The following DOCK9 variants were observed in gnomAD, a reference collection of about 807,000 sequenced individuals.
DOCK9 encodes the protein dedicator of cytokinesis protein 9.
In DOCK9, 89 loss-of-function variants were observed where a neutral mutation model predicts 263.3. The ratio of observed to expected loss-of-function variants is 0.34; its 90% CI spans 0.28 to 0.40. The LOEUF (loss-of-function observed/expected upper bound fraction) is 0.40. Among genes scored for constraint, DOCK9 ranks in the 10% least tolerant of loss-of-function variants. The probability of loss-of-function intolerance (pLI) is 1.00; values close to 1 mark genes in which losing one functional copy is unlikely to be tolerated. For synonymous variants in DOCK9, 976 were observed against 973.1 expected (o/e 1.00, Z -0.06); for missense variants, 2,140 against 2,603.4 (o/e 0.82, Z 3.87).
chr13:98,945,052 G>A (rs1396667483), intron 2 of DOCK9, among the ~76,000 whole-genome samples: 1 of 152,158 alleles, frequency 6.6e-6, no homozygotes, highest in Non-Finnish European at 1.5e-5. Context: ...AATCAGTCAA[G>A]GAAACAATGA....
At chr13:98,945,354 T>C (rs1411374185) in intron 2 of DOCK9, among the ~76,000 whole-genome samples, 1 of 152,232 alleles carries the variant, frequency 6.6e-6, no homozygotes, top group Non-Finnish European at 1.5e-5. Context: ...CTAAAGTCAC[T>C]CCACCATGGT....
rs1423176071 is a variant in DOCK9, at chr13:98,805,527, C to T, written c.5515-318G>A. Among the ~76,000 whole-genome samples the T allele has an allele frequency of 2.6e-5, 4 of 152,096 alleles. No homozygotes were observed. The East Asian group carries it at 7.7e-4, about 29-fold the overall frequency. On this transcript the variant is annotated intron_variant, in intron 48 of 52. Transcript: ENST00000682017. Reference sequence around the variant, plus strand: ...CTTCTCCTAAAAATAAGGACATTTGCTTCTATAACCGCAATACATTATCAT... The same window carrying T: ...CTTCTCCTAAAAATAAGGACATTTGTTTCTATAACCGCAATACATTATCAT...
chr13:98,867,464 G>A lies in DOCK9; in HGVS notation c.3247C>T (p.Pro1083Ser), dbSNP rs1594804315. 6.2e-7 allele frequency: 1 copy of A among 1,611,706 alleles called. No individual in the cohort carries two copies. Among genetic ancestry groups the A allele is most frequent in the East Asian group, 2.2e-5 (1 of 44,814 alleles). Reference sequence around the variant, plus strand: ...ATCCTGCCTTTTCCAAATGGCATTGGTAAGTTCAACGGAATATAATGTTCA... The same window carrying A: ...ATCCTGCCTTTTCCAAATGGCATTGATAAGTTCAACGGAATATAATGTTCA... Reference protein sequence around the residue: ...NHEHYIPLNLPMPFGKGRIQR... With the variant: ...NHEHYIPLNLSMPFGKGRIQR... Residue 1083 changes from proline to serine, a missense_variant, in exon 30 of 53, where the codon CCA (proline) becomes TCA (serine). Around this residue, in one of 2 missense-constraint regions of DOCK9, gnomAD observed 1,521 missense variants for 1,741.7 expected, o/e 0.87. Coordinates refer to ENST00000682017, the MANE Select transcript of DOCK9 (RefSeq NM_001366683.2).
rs2140825612 is a variant in DOCK9 at position 98,826,842 on chromosome 13, G to A, written c.5011C>T (p.Leu1671Phe). Reference protein sequence around the residue: ...VHVTALVAEYLTRKGVFRQGC... With the variant: ...VHVTALVAEYFTRKGVFRQGC... ...AATAATTCCTTACCTTTCCGTGTGA[G>A]ATATTCTGCCACTAGGGCTGTTACG... Residue 1671 changes from leucine (L) to phenylalanine (F), a missense_variant, in exon 44 of 53, where the codon CTC (leucine) becomes TTC (phenylalanine). Leu to Phe is a conservative substitution (Grantham distance 22). Coordinates refer to ENST00000682017, the MANE Select transcript of DOCK9 (RefSeq NM_001366683.2). 6.2e-7 allele frequency: 1 copy of A among 1,609,802 alleles called. No homozygotes were observed. The highest frequency in any genetic ancestry group is 8.5e-7 in the Non-Finnish European group (1 of 1,177,912).
chr13:99,086,720 G>A (rs2042355410), upstream of DOCK9: 1 of 146,870 alleles, frequency 6.8e-6, no homozygotes, highest in African/African-American at 2.4e-5. Flanking sequence ...GGCGGGGCGG[G>A]GCGCCCGGAC....
At chr13:99,052,436 G>A (rs2040738639) in intron 1 of DOCK9, among the ~76,000 whole-genome samples, 1 of 152,194 alleles carries the variant, frequency 6.6e-6, no homozygotes, top group South Asian at 2.1e-4. Context: ...TCAAAGTACA[G>A]ACCACACTCC....
intron 1 of DOCK9, among the ~76,000 whole-genome samples, chr13:98,965,466 G>C (rs1177314843): frequency 6.6e-6 from 1 of 152,116 alleles, no homozygotes; most frequent in East Asian, 1.9e-4. Flanking sequence ...AGCACTACAA[G>C]CTTGTGCAAA....
intron 7 of DOCK9, 147 bp from the exon 8 acceptor site, chr13:98,915,650 C>A (rs990921950): frequency 1.6e-5 from 11 of 671,726 alleles, no homozygotes; most frequent in Non-Finnish European, 2.6e-5. Context: ...ATGAAAGCCC[C>A]CCCCCATGAA....
At position 98,883,859 on chromosome 13, in the gene DOCK9, G is replaced by A. The variant is rs759785650; in HGVS notation, c.2423C>T (p.Pro808Leu). The change falls in exon 22 of 53, where the codon CCA becomes CTA. Residue 808 changes from proline (P) to leucine (L), a missense_variant. By Grantham distance (98) the Pro-to-Leu change is moderately conservative (BLOSUM62 -3). Coordinates refer to ENST00000682017, the MANE Select transcript of DOCK9 (RefSeq NM_001366683.2). ...PEIKWVDGGK[P>L]LLKISTHLVS... ...CAGATGAGTGGAAATTTTCAGCAGT[G>A]GCTTGCCTCCATCTACCCATTTAAT... 4 of 1,612,414 alleles carry A rather than the reference G, an allele frequency of 2.5e-6. No individual in the cohort carries two copies. The highest frequency in any genetic ancestry group is 3.4e-6 in the Non-Finnish European group (4 of 1,179,408).
At chr13:99,078,474 G>A (rs1428266739) in intron 1 of DOCK9, among the ~76,000 whole-genome samples, 1 of 152,174 alleles carries the variant, frequency 6.6e-6, no homozygotes, top group Non-Finnish European at 1.5e-5. Flanking sequence ...GCCCTGAGAG[G>A]CCGCCCCACA....
chr13:98,887,615 CAAAAAAAAAAA>C (rs58976892), intron 18 of DOCK9, among the ~76,000 whole-genome samples: 4 of 37,218 alleles, frequency 1.1e-4, no homozygotes, highest in Non-Finnish European at 1.7e-4. Context: ...GACTCCATCT[CAAAAAAAAAAA>C]AAAAAAAAAA....
At chr13:99,068,504 C>T (rs2041527455) in intron 1 of DOCK9, among the ~76,000 whole-genome samples, 1 of 152,182 alleles carries the variant, frequency 6.6e-6, no homozygotes, top group African/African-American at 2.4e-5. Flanking sequence ...ATCACTTGAA[C>T]CCAGGAGGCG....
chr13:98,856,038 G>T lies in DOCK9; in HGVS notation c.3698-7C>A. ...GAGGTTGTATATGGAGAAGCTAAAT[G>T]GAAATCAAGCCAACAATAAAGTTTT... On this transcript the variant is annotated splice_region_variant and splice_polypyrimidine_tract_variant and intron_variant, in intron 33 of 52. Transcript: ENST00000682017. The T allele has an allele frequency of 6.2e-7, 1 of 1,613,350 alleles. No individual in the cohort carries two copies. Among genetic ancestry groups the T allele is most frequent in the South Asian group, 1.1e-5 (1 of 90,982 alleles).
At chr13:98,968,569 G>A (rs1193226820) in intron 1 of DOCK9, among the ~76,000 whole-genome samples, 2 of 152,134 alleles carry the variant, frequency 1.3e-5, no homozygotes, top group East Asian at 3.9e-4. Context: ...GCAGTGAGCC[G>A]AGATCACTCC....
Position 98,853,290 on chromosome 13 carries a change from G to A in DOCK9, c.3946+118C>T, listed in dbSNP as rs115812678. The stretch of plus-strand genomic sequence containing the variant: ...ACAATTACATTTAGTCAATGAATAT[G>A]CATTTTAAACAAGAAAATCCTTTGA... On this transcript the variant is annotated intron_variant, in intron 35 of 52. Transcript: ENST00000682017. The A allele has an allele frequency of 0.011, 6,650 of 622,064 alleles. 350 individuals carry two copies. The African/African-American group carries it at 0.11, about 10-fold the overall frequency. 38.5% of individuals were successfully genotyped at this position (622,064 alleles called of 1,614,324 possible). A position where few individuals can be genotyped will look rare whatever the true frequency, so the allele number is the denominator to read the frequency against.
chr13:99,056,182 T>C (rs1007914810), intron 1 of DOCK9, among the ~76,000 whole-genome samples: 2 of 152,236 alleles, frequency 1.3e-5, no homozygotes, highest in African/African-American at 4.8e-5. Context: ...GTTTTGATCA[T>C]TTTTAGAATA....
upstream of DOCK9, chr13:99,086,700 G>C (rs1566413618): frequency 6.8e-6 from 1 of 146,760 alleles, no homozygotes; most frequent in African/African-American, 2.4e-5. Context: ...GGGGTGTCCG[G>C]CGCGGCGCGG....
At chr13:99,005,109 TGAG>T (rs1883094990) in intron 1 of DOCK9, among the ~76,000 whole-genome samples, 1 of 151,644 alleles carries the variant, frequency 6.6e-6, no homozygotes, top group Non-Finnish European at 1.5e-5. Flanking sequence ...CAAGGTTACT[TGAG>T]GATGCAGCTG....
intron 11 of DOCK9, 65 bp from the exon 12 acceptor site, chr13:98,902,556 C>A: frequency 6.7e-7 from 1 of 1,496,840 alleles, no homozygotes; most frequent in Admixed American, 1.9e-5. Flanking sequence ...ATGTTGCTAT[C>A]AAAAGAGAAA....
Sources: gnomAD v4.1 joint callset for allele counts (sites outside exome capture counted in the v4.1 genomes callset) on GRCh38, gnomAD v4.1.1 for gene constraint, gnomAD v4.1.1 regional missense constraint, MANE v1.5 for transcripts, NCBI Gene and HGNC (gene_info 2026-07-23, HGNC 2026-07-21) for gene names.